MEIS2: variants seen among roughly 807,000 people sequenced by gnomAD.
MEIS2 encodes homeobox protein Meis2.
Under a neutral mutation model 58.6 loss-of-function variants are expected in MEIS2, and 9 were observed. That is an observed-to-expected ratio of 0.15 (90% CI 0.09 to 0.27). MEIS2 has a LOEUF of 0.27. MEIS2 is among the 10% of genes least tolerant of loss of function. The pLI is 1.00. For synonymous variants in MEIS2, 221 were observed against 228.4 expected (o/e 0.97, Z 0.29); for missense variants, 427 against 635.0 (o/e 0.67, Z 3.52).
intron 7 of MEIS2, among the ~76,000 whole-genome samples, chr15:37,063,341 C>A (rs372288068): frequency 1.3e-5 from 2 of 152,074 alleles, no homozygotes; most frequent in Non-Finnish European, 2.9e-5. Flanking sequence ...GCTAGGTATC[C>A]GACATCATTT....
chr15:37,084,671 G>A (rs1197463109), intron 6 of MEIS2, among the ~76,000 whole-genome samples: 1 of 152,100 alleles, frequency 6.6e-6, no homozygotes, highest in African/African-American at 2.4e-5. Context: ...GGACATGCAA[G>A]GCAAACCAAG....
Position 36,899,995 on chromosome 15 carries a change from AC to A in MEIS2, c.978-3310del, listed in dbSNP as rs2056385925. Reference sequence around the variant, plus strand: ...CAAGCTGCACCCAACTTTAATGAAAACCCCCACAAGTTATTTCCAATCCAAA... The same window carrying A: ...CAAGCTGCACCCAACTTTAATGAAAACCCCACAAGTTATTTCCAATCCAAA... On this transcript the variant is annotated intron_variant, in intron 9 of 11. Transcript: ENST00000561208. Among the ~76,000 whole-genome samples, 3 of 152,032 alleles carry A rather than the reference AC, an allele frequency of 2.0e-5. No homozygotes were observed. The South Asian group carries it at 6.2e-4, about 32-fold the overall frequency.
At chr15:37,055,582 C>T (rs1360744117) in intron 7 of MEIS2, among the ~76,000 whole-genome samples, 5 of 152,190 alleles carry the variant, frequency 3.3e-5, no homozygotes, top group African/African-American at 9.6e-5. Context: ...TGATTCATCT[C>T]ACTGACAAAA....
chr15:37,064,696 C>T (rs1337628340), intron 7 of MEIS2, among the ~76,000 whole-genome samples: 2 of 152,140 alleles, frequency 1.3e-5, no homozygotes, highest in Non-Finnish European at 2.9e-5. Flanking sequence ...GTTATAAGAA[C>T]ACTTACGCAT....
chr15:37,046,208 T>C (rs1359407387), intron 7 of MEIS2, among the ~76,000 whole-genome samples: 1 of 152,226 alleles, frequency 6.6e-6, no homozygotes, highest in Non-Finnish European at 1.5e-5. Context: ...AGACTGTGGC[T>C]GCTGCAGCTC....
At chr15:37,023,584 C>T (rs554988487) in intron 8 of MEIS2, among the ~76,000 whole-genome samples, 5 of 152,150 alleles carry the variant, frequency 3.3e-5, no homozygotes, top group Non-Finnish European at 5.9e-5. Flanking sequence ...CTAACATCTT[C>T]CCTCTCCTCC....
intron 9 of MEIS2, among the ~76,000 whole-genome samples, chr15:36,922,820 G>A (rs145173302): frequency 0.012 from 1,776 of 150,928 alleles, 40 homozygotes; most frequent in African/African-American, 0.041. Flanking sequence ...GTTTCACCAT[G>A]TTGATCAGGC....
At chr15:37,051,045 TA>T (rs1247684830) in intron 7 of MEIS2, 1 of 152,158 alleles carries the variant, frequency 6.6e-6, no homozygotes, top group Non-Finnish European at 1.5e-5. Context: ...AGGTTAACCA[TA>T]AAAATTAAAT....
intron 8 of MEIS2, among the ~76,000 whole-genome samples, chr15:37,010,232 C>T (rs1341624875): frequency 6.6e-6 from 1 of 151,730 alleles, no homozygotes; most frequent in Non-Finnish European, 1.5e-5. Flanking sequence ...GGACTACAGG[C>T]ACCCACCACC....
At position 37,098,008 on chromosome 15, in the gene MEIS2, A is replaced by G. The variant is rs1182042720; in HGVS notation, c.204T>C (p.Ala68=). ...PNVMPASMGS[A]VNDALKRDKD... is the part of the protein sequence containing the mutation. The stretch of plus-strand genomic sequence containing the variant: ...TGTCCCGCTTCAAGGCGTCGTTGAC[A>G]GCGGATCCCATACTGGCCGGCATGA... Residue 68 remains alanine (A), a synonymous_variant, in exon 2 of 12, where the codon GCT becomes GCC. Transcript: ENST00000561208. 9.3e-6 allele frequency: 15 copies of G among 1,611,170 alleles called. No homozygotes were observed. The highest frequency in any genetic ancestry group is 1.2e-5 in the Non-Finnish European group (14 of 1,178,060).
At position 37,099,524 on chromosome 15, in the gene MEIS2, T is replaced by TAAGA; in HGVS notation, c.-62_-59dup. Reference sequence around the variant, plus strand: ...CGTATATTTAATATCCCAGTCCGGATAAGAAAGTGATCTAGGCTGAAGATT... The same window carrying TAAGA: ...CGTATATTTAATATCCCAGTCCGGATAAGAAAGAAAGTGATCTAGGCTGAAGATT... On this transcript the variant is annotated 5_prime_UTR_variant, in exon 1 of 12. Transcript: ENST00000561208. 6.2e-7 allele frequency: 1 copy of TAAGA among 1,610,220 alleles called. No homozygotes were observed. The highest frequency in any genetic ancestry group is 1.3e-5 in the African/African-American group (1 of 74,590).
At chr15:36,937,139 A>G (rs2058207402) in intron 9 of MEIS2, among the ~76,000 whole-genome samples, 1 of 152,226 alleles carries the variant, frequency 6.6e-6, no homozygotes, top group Admixed American at 6.5e-5. Context: ...GAGGTACACC[A>G]CAAATGTCCC....
chr15:36,965,012 A>T lies in MEIS2; in HGVS notation c.901-14612T>A, dbSNP rs188800621. Among the ~76,000 whole-genome samples, 284 of 152,316 alleles carry T rather than the reference A, an allele frequency of 1.9e-3. 1 individual carries two copies. The highest frequency in any genetic ancestry group is 6.6e-3 in the African/African-American group (275 of 41,572). Reference sequence around the variant, plus strand: ...CATATCCATTGTCTCATCTCACTTGATAAAGGTAAAGAACCGAACGCAGGA... The same window carrying T: ...CATATCCATTGTCTCATCTCACTTGTTAAAGGTAAAGAACCGAACGCAGGA... On this transcript the variant is annotated intron_variant, in intron 8 of 11. Transcript: ENST00000561208.
intron 8 of MEIS2, among the ~76,000 whole-genome samples, chr15:36,987,624 T>A (rs1287382776): frequency 2.6e-5 from 4 of 152,068 alleles, no homozygotes; most frequent in African/African-American, 9.7e-5. Flanking sequence ...AAATGGTCAC[T>A]GAAAATGAGA....
In MEIS2 at chr15:36,891,941, C is replaced by T. The variant is rs1342936970; in HGVS notation, c.*232G>A. Reference sequence around the variant, plus strand: ...TTTATACTACAGTAGTTATAACTCTCGGAGTCTTTTTCCAGAGGATCTTTA... The same window carrying T: ...TTTATACTACAGTAGTTATAACTCTTGGAGTCTTTTTCCAGAGGATCTTTA... On this transcript the variant is annotated 3_prime_UTR_variant, in exon 12 of 12. Coordinates refer to ENST00000561208, the MANE Select transcript of MEIS2 (RefSeq NM_170675.5). The T allele has an allele frequency of 3.3e-5, 19 of 581,068 alleles. No individual in the cohort carries two copies. The East Asian group carries it at 4.1e-4, about 12-fold the overall frequency. The allele number at this position is 581,068 out of a possible 1,614,324, so 36.0% of individuals were successfully genotyped here.
intron 9 of MEIS2, among the ~76,000 whole-genome samples, chr15:36,941,954 G>C (rs1163512136): frequency 6.6e-6 from 1 of 152,112 alleles, no homozygotes; most frequent in East Asian, 1.9e-4. Context: ...AAGGCTTTAA[G>C]GAAGTTTGGA....
At chr15:37,032,917 C>T (rs1413887678) in intron 8 of MEIS2, among the ~76,000 whole-genome samples, 1 of 152,006 alleles carries the variant, frequency 6.6e-6, no homozygotes, top group Non-Finnish European at 1.5e-5. Context: ...TTTTAAATGC[C>T]ACTTTGGACT....
chr15:36,924,916 A>T (rs1342432537), intron 9 of MEIS2, among the ~76,000 whole-genome samples: 8 of 152,142 alleles, frequency 5.3e-5, no homozygotes, highest in Admixed American at 5.2e-4. Context: ...TCAGGCTCCC[A>T]CCTTCACCCC....
chr15:36,927,289 A>G (rs1176511906), intron 9 of MEIS2, among the ~76,000 whole-genome samples: 4 of 152,138 alleles, frequency 2.6e-5, no homozygotes, highest in African/African-American at 9.7e-5. Flanking sequence ...CATATAAACC[A>G]GGGGTACAGA....
Sources: gnomAD v4.1 joint callset for allele counts (sites outside exome capture counted in the v4.1 genomes callset) on GRCh38, gnomAD v4.1.1 for gene constraint, MANE v1.5 for transcripts, NCBI Gene and HGNC (gene_info 2026-07-23, HGNC 2026-07-21) for gene names.